Variants in PLXNC1 observed in about 807,000 individuals in gnomAD.
PLXNC1 encodes plexin-C1.
A neutral mutation model predicts 178.2 loss-of-function variants in PLXNC1; 75 were observed. The observed-to-expected ratio is 0.42, with a 90% CI of 0.35 to 0.51. The LOEUF (loss-of-function observed/expected upper bound fraction) is 0.51. Ranked by LOEUF, PLXNC1 falls within the 20% of genes least tolerant of loss-of-function variation. The pLI is 0.02. For missense variants in PLXNC1, 1,503 were observed against 1,984.4 expected (o/e 0.76, Z 4.61); for synonymous variants, 790 against 779.9 (o/e 1.01, Z -0.22).
chr12:94,156,648 G>A (rs1961178135), intron 1 of PLXNC1, among the ~76,000 whole-genome samples: 1 of 150,548 alleles, frequency 6.6e-6, no homozygotes, highest in Admixed American at 6.6e-5. Flanking sequence ...CAGCTAATTG[G>A]AATAAAATCA....
At chr12:94,266,107 G>C (rs918933880) in intron 21 of PLXNC1, among the ~76,000 whole-genome samples, 2 of 152,218 alleles carry the variant, frequency 1.3e-5, no homozygotes, top group Admixed American at 1.3e-4. Flanking sequence ...CTCATTAAGA[G>C]AGCTGAGTCT....
intron 23 of PLXNC1, 114 bp downstream of exon 23, chr12:94,282,515 G>A (rs1024448662): frequency 5.9e-5 from 42 of 714,604 alleles, no homozygotes; most frequent in Admixed American, 4.3e-4. Context: ...CTTGCAGATC[G>A]ATCGTGTCTG....
At chr12:94,161,720 A>G (rs1013484507) in intron 1 of PLXNC1, among the ~76,000 whole-genome samples, 2 of 152,232 alleles carry the variant, frequency 1.3e-5, no homozygotes, top group Admixed American at 1.3e-4. Context: ...CTTACAAGCT[A>G]TCAATGAGCT....
At chr12:94,156,537 G>A (rs1248418741) in intron 1 of PLXNC1, among the ~76,000 whole-genome samples, 2 of 150,098 alleles carry the variant, frequency 1.3e-5, no homozygotes, top group African/African-American at 4.9e-5. Context: ...GAGTGCAGTG[G>A]CACAATCTCG....
At chr12:94,222,684 A>G (rs1170939675) in intron 6 of PLXNC1, among the ~76,000 whole-genome samples, 1 of 152,072 alleles carries the variant, frequency 6.6e-6, no homozygotes, top group Non-Finnish European at 1.5e-5. Context: ...TCCTTGTGAT[A>G]TTTCCAAATA....
In PLXNC1 at chr12:94,259,644, C is replaced by T; in HGVS notation, c.3161C>T (p.Thr1054Ile). The change falls in exon 19 of 31, where the codon ACA (threonine) becomes ATA (isoleucine). Residue 1054 changes from threonine to isoleucine, a missense_variant. Thr to Ile is a moderately conservative substitution (Grantham distance 89). Transcript: ENST00000258526. The stretch of plus-strand genomic sequence containing the variant: ...GCCAACGACAAGAATGAAAGTCTCA[C>T]AGCTTTGGATGCCCTAATCTGTAAT... ...RDANDKNESL[T>I]ALDALICNKS... 6.2e-7 allele frequency: 1 copy of T among 1,610,788 alleles called. No individual in the cohort carries two copies. Among genetic ancestry groups the T allele is most frequent in the Non-Finnish European group, 8.5e-7 (1 of 1,177,924 alleles).
At chr12:94,204,973 GACTGTCTGCTCT>G (rs1158573531) in intron 4 of PLXNC1, among the ~76,000 whole-genome samples, 2 of 152,166 alleles carry the variant, frequency 1.3e-5, no homozygotes, top group African/African-American at 4.8e-5. Context: ...TTCCTTCAGG[GACTGTCTGCTCT>G]TGGTGAACAA....
intron 1 of PLXNC1, among the ~76,000 whole-genome samples, chr12:94,163,999 G>C (rs1961493928): frequency 6.6e-6 from 1 of 152,154 alleles, no homozygotes; most frequent in Non-Finnish European, 1.5e-5. Flanking sequence ...CTGAGAGGCA[G>C]GGCATGTGGT....
rs1050841721 is a variant in PLXNC1, at chr12:94,205,058, A to T, written c.1440-4532A>T. Among the ~76,000 whole-genome samples, 10 of 152,172 alleles carry T rather than the reference A, an allele frequency of 6.6e-5. No homozygotes were observed. In the East Asian group the frequency reaches 1.9e-3, roughly 29 times the overall value. ...AAGTAGAAGTTACATTTCTGAGTTC[A>T]GAGTTTCTATTTCAAGGTTGAGTAA... On this transcript the variant is annotated intron_variant, in intron 4 of 30. Transcript: ENST00000258526.
intron 21 of PLXNC1, among the ~76,000 whole-genome samples, chr12:94,270,842 C>T (rs1232658539): frequency 1.3e-5 from 2 of 151,850 alleles, no homozygotes; most frequent in African/African-American, 2.4e-5. Flanking sequence ...GTAGCAGATC[C>T]CTTGATCCAG....
At chr12:94,238,566 T>C (rs928148707) in intron 10 of PLXNC1, among the ~76,000 whole-genome samples, 1 of 152,150 alleles carries the variant, frequency 6.6e-6, no homozygotes, top group Non-Finnish European at 1.5e-5. Context: ...TGTTAACTCA[T>C]ATAAGTTTGG....
rs1446726156 is a variant in PLXNC1 at position 94,282,378 on chromosome 12, C to T, written c.3856C>T (p.Leu1286=). ...SVILEDGITK[L]NTIGHYEISN... ...GATTCTTGAAGATGGAATCACCAAGCTAAACACCATTGGCCACTATGAGGT... is the reference window on the plus strand; with the variant it reads ...GATTCTTGAAGATGGAATCACCAAGTTAAACACCATTGGCCACTATGAGGT... The change falls in exon 23 of 31, where the codon CTA becomes TTA. Residue 1286 remains leucine (L), a synonymous_variant. Transcript: ENST00000258526. 1.2e-6 allele frequency: 2 copies of T among 1,612,672 alleles called. No individual in the cohort carries two copies. The highest frequency in any genetic ancestry group is 2.2e-5 in the South Asian group (2 of 91,054).
At chr12:94,189,658 T>A (rs1267932467) in intron 4 of PLXNC1, among the ~76,000 whole-genome samples, 3 of 144,234 alleles carry the variant, frequency 2.1e-5, no homozygotes, top group Non-Finnish European at 3.0e-5. Flanking sequence ...CCAGCTTGGA[T>A]GACAAAGTGA....
intron 6 of PLXNC1, among the ~76,000 whole-genome samples, chr12:94,223,871 C>T (rs1592782535): frequency 6.6e-6 from 1 of 152,152 alleles, no homozygotes. Flanking sequence ...ACTTCTTGCT[C>T]GGTGACTTGT....
intron 27 of PLXNC1, among the ~76,000 whole-genome samples, chr12:94,299,227 A>G (rs1400428466): frequency 2.6e-5 from 4 of 152,236 alleles, no homozygotes; most frequent in Non-Finnish European, 4.4e-5. Flanking sequence ...TGCAGTACTC[A>G]GATACTATGA....
At chr12:94,261,853 C>T (rs1964996916) in intron 20 of PLXNC1, among the ~76,000 whole-genome samples, 1 of 152,146 alleles carries the variant, frequency 6.6e-6, no homozygotes, top group East Asian at 1.9e-4. Context: ...TGCAATCTTA[C>T]AAGTAGATGC....
intron 20 of PLXNC1, among the ~76,000 whole-genome samples, chr12:94,263,458 C>CT (rs1475598102): frequency 1.3e-5 from 2 of 152,206 alleles, no homozygotes; most frequent in Admixed American, 6.5e-5. Context: ...CCTCCTGAGT[C>CT]AAGACCTGTC....
At position 94,186,400 on chromosome 12, in the gene PLXNC1, A is replaced by C. The variant is rs1159755474; in HGVS notation, c.1366A>C (p.Asn456His). ...EVRRIRVANC[N>H]KHKSCSECLT... Reference sequence around the variant, plus strand: ...GAGGAGAATTCGTGTTGCAAACTGCAATAAACATAAATCCTGTTCGGAGTG... The same window carrying C: ...GAGGAGAATTCGTGTTGCAAACTGCCATAAACATAAATCCTGTTCGGAGTG... Residue 456 changes from asparagine (N) to histidine (H), a missense_variant, in exon 4 of 31, where the codon AAT becomes CAT. Asn to His is a moderately conservative substitution (Grantham distance 68, BLOSUM62 1). Transcript: ENST00000258526. 2.5e-6 allele frequency: 4 copies of C among 1,613,654 alleles called. No homozygotes were observed. The highest frequency in any genetic ancestry group is 1.7e-5 in the Admixed American group (1 of 60,002).
chr12:94,215,467 G>A (rs541621106), intron 5 of PLXNC1, among the ~76,000 whole-genome samples: 3 of 151,530 alleles, frequency 2.0e-5, no homozygotes, highest in South Asian at 4.2e-4. Context: ...GGAATATCAT[G>A]AGCTGATCAA....
Sources: gnomAD v4.1 joint callset for allele counts (sites outside exome capture counted in the v4.1 genomes callset) on GRCh38, gnomAD v4.1.1 for gene constraint, MANE v1.5 for transcripts, NCBI Gene and HGNC (gene_info 2026-07-23, HGNC 2026-07-21) for gene names.